MSI2: variants seen among roughly 807,000 people sequenced by gnomAD.
MSI2 encodes the protein musashi RNA binding protein 2.
MSI2 carries 17 observed loss-of-function variants against 45.6 expected under a neutral mutation model. The ratio of observed to expected loss-of-function variants is 0.37; its 90% confidence interval spans 0.26 to 0.56. MSI2 has a LOEUF of 0.56. Ranked by LOEUF, MSI2 falls within the 20% of genes least tolerant of loss-of-function variation. The probability of loss-of-function intolerance (pLI) is 0.77; values close to 1 mark genes in which losing one functional copy is unlikely to be tolerated. For missense variants in MSI2, 293 were observed against 444.2 expected, an observed-to-expected ratio of 0.66 and a Z score of 3.06; for synonymous variants, 156 against 158.2, an observed-to-expected ratio of 0.99 and a Z score of 0.11.
chr17:57,517,011 A>T (rs1308736550), intron 6 of MSI2, among the ~76,000 whole-genome samples: 1 of 152,216 alleles, frequency 6.6e-6, no homozygotes, highest in African/African-American at 2.4e-5. Flanking sequence ...TTGCCCAGTG[A>T]CTGCATCTCT....
intron 6 of MSI2, among the ~76,000 whole-genome samples, chr17:57,403,940 C>T (rs1199128453): frequency 7.2e-6 from 1 of 138,872 alleles, no homozygotes; most frequent in South Asian, 2.1e-4. Flanking sequence ...TGTGCACACA[C>T]ACACACACAC....
At chr17:57,476,908 C>G (rs531052371) in intron 6 of MSI2, among the ~76,000 whole-genome samples, 1 of 152,244 alleles carries the variant, frequency 6.6e-6, no homozygotes, top group African/African-American at 2.4e-5. Context: ...CCATCTAGAC[C>G]TGTCTGTTCT....
chr17:57,390,524 A>G (rs994866214), intron 5 of MSI2, among the ~76,000 whole-genome samples: 1 of 152,216 alleles, frequency 6.6e-6, no homozygotes, highest in Non-Finnish European at 1.5e-5. Flanking sequence ...TGTGTGGATT[A>G]GGTAAAACTT....
intron 9 of MSI2, among the ~76,000 whole-genome samples, chr17:57,622,497 AG>A (rs1908398718): frequency 6.6e-6 from 1 of 152,128 alleles, no homozygotes; most frequent in Non-Finnish European, 1.5e-5. Flanking sequence ...GAGCCCTCAA[AG>A]AAAAGCTTCA....
intron 5 of MSI2, among the ~76,000 whole-genome samples, chr17:57,282,334 G>C (rs932696257): frequency 1.3e-5 from 2 of 152,190 alleles, no homozygotes; most frequent in African/African-American, 4.8e-5. Flanking sequence ...TAGCCTTGCT[G>C]CTCCTCCAAG....
At chr17:57,648,173 G>GTT (rs1274270659) in intron 10 of MSI2, among the ~76,000 whole-genome samples, 174 of 147,704 alleles carry the variant, frequency 1.2e-3, no homozygotes, top group African/African-American at 4.3e-3. Flanking sequence ...GTGTGTGTGT[G>GTT]TGTGTGTGTT....
chr17:57,443,398 C>T (rs963305924), intron 6 of MSI2, among the ~76,000 whole-genome samples: 7 of 152,178 alleles, frequency 4.6e-5, no homozygotes, highest in South Asian at 2.1e-4. Context: ...GCCGGGCACA[C>T]GTGGCACCGG....
At chr17:57,590,333 T>C (rs2144415757) in intron 7 of MSI2, among the ~76,000 whole-genome samples, 1 of 152,352 alleles carries the variant, frequency 6.6e-6, no homozygotes, top group African/African-American at 2.4e-5. Flanking sequence ...CTCTTGTAAG[T>C]TAACTGTCGA....
chr17:57,552,934 T>C lies in MSI2; in HGVS notation c.454+23210T>C, dbSNP rs1353817384. On this transcript the variant is annotated intron_variant, in intron 7 of 13. Transcript: ENST00000284073. This position sits in a 1 kb window ranked among gnomAD's most constrained non-coding sequence, Gnocchi z 4.3. The stretch of plus-strand genomic sequence containing the variant: ...GCTGATGTGGCGTGGGCTGGGAGAC[T>C]TCTCTTTTGAGAGGCTGATACTGGT... 1.3e-5 allele frequency among the ~76,000 whole-genome samples: 2 copies of C among 152,202 alleles called. No homozygotes were observed. The highest frequency in any genetic ancestry group is 2.9e-5 in the Non-Finnish European group (2 of 68,030).
At chr17:57,562,421 G>T (rs1163820498) in intron 7 of MSI2, among the ~76,000 whole-genome samples, 1 of 152,222 alleles carries the variant, frequency 6.6e-6, no homozygotes, top group Non-Finnish European at 1.5e-5. Context: ...CCTACCCTGG[G>T]CACTGGTGTT....
intron 7 of MSI2, among the ~76,000 whole-genome samples, chr17:57,553,450 TG>T (rs1352005260): frequency 6.6e-6 from 1 of 152,264 alleles, no homozygotes; most frequent in African/African-American, 2.4e-5. Context: ...ATTGGGACAT[TG>T]AGCTGCTTTT....
At chr17:57,357,689 G>A (rs1179485884) in intron 5 of MSI2, among the ~76,000 whole-genome samples, 3 of 152,108 alleles carry the variant, frequency 2.0e-5, no homozygotes, top group East Asian at 1.9e-4. Flanking sequence ...TGACCTGCCC[G>A]ACTTGATTTT....
intron 5 of MSI2, among the ~76,000 whole-genome samples, chr17:57,357,211 C>T (rs1253869398): frequency 1.3e-5 from 2 of 152,186 alleles, no homozygotes; most frequent in Middle Eastern, 3.2e-3. Flanking sequence ...AGAGGAACTG[C>T]CTCTCGGGGC....
At chr17:57,363,792 A>AAAC (rs1410554952) in intron 5 of MSI2, among the ~76,000 whole-genome samples, 1 of 138,542 alleles carries the variant, frequency 7.2e-6, no homozygotes, top group Non-Finnish European at 1.6e-5. Flanking sequence ...CAACAACAAC[A>AAAC]AACAACAACA....
chr17:57,298,568 G>A (rs1206127185), intron 5 of MSI2, among the ~76,000 whole-genome samples: 2 of 152,158 alleles, frequency 1.3e-5, no homozygotes, highest in East Asian at 1.9e-4. Flanking sequence ...GGCTGAGGCA[G>A]GAGAATTGCC....
rs183859385 is a variant in MSI2, at chr17:57,339,971, A to C, written c.313-61408A>C. ...GACCGGGAATGGAACTGACTGCTAT[A>C]AAGTTGTGAGCCTGCCCAAAACTGG... On this transcript the variant is annotated intron_variant, in intron 5 of 13. Transcript: ENST00000284073. Among the ~76,000 whole-genome samples the C allele has an allele frequency of 1.3e-3, 193 of 152,232 alleles. 2 individuals are homozygous for C. Among genetic ancestry groups the C allele is most frequent in the Non-Finnish European group, 2.0e-3 (139 of 68,002 alleles).
At chr17:57,377,791 C>T (rs1436042637) in intron 5 of MSI2, among the ~76,000 whole-genome samples, 2 of 151,878 alleles carry the variant, frequency 1.3e-5, no homozygotes, top group Non-Finnish European at 2.9e-5. Context: ...GAAGTGAAGG[C>T]ATGGCCAGGC....
intron 7 of MSI2, among the ~76,000 whole-genome samples, chr17:57,548,766 C>T (rs1390118530): frequency 6.6e-6 from 1 of 152,074 alleles, no homozygotes; most frequent in African/African-American, 2.4e-5. Context: ...TTTCCTGGGT[C>T]AGATGGCCAT....
chr17:57,316,935 G>A (rs576125446), intron 5 of MSI2, among the ~76,000 whole-genome samples: 55 of 144,940 alleles, frequency 3.8e-4, no homozygotes, highest in South Asian at 1.1e-3. Flanking sequence ...AGACTTTGAG[G>A]CAGGAAAAAA....
Sources: allele counts gnomAD v4.1 joint callset (sites outside exome capture counted in the v4.1 genomes callset), GRCh38; gene constraint gnomAD v4.1.1; non-coding constraint Gnocchi (gnomAD v3.1); transcripts MANE v1.5; gene names NCBI Gene and HGNC (gene_info 2026-07-23, HGNC 2026-07-21).